Variants in REL observed in about 807,000 individuals in gnomAD.
The protein encoded by REL is REL proto-oncogene, NF-kB subunit.
Under a neutral mutation model 45.9 loss-of-function variants are expected in REL, and 15 were observed. The ratio of observed to expected loss-of-function variants is 0.33; its 90% CI spans 0.22 to 0.50. The LOEUF is 0.50. Ranked by LOEUF, REL falls within the 20% of genes least tolerant of loss-of-function variation. REL has a pLI of 0.98. For synonymous variants in REL, 239 were observed against 242.1 expected, an observed-to-expected ratio of 0.99 and a Z score of 0.12; for missense variants, 601 against 715.2, an observed-to-expected ratio of 0.84 and a Z score of 1.82.
At chr2:60,891,582 CT>C (rs1462297001) in intron 1 of REL, 100 bp from the exon 2 acceptor site, 4 of 1,054,678 alleles carry the variant, frequency 3.8e-6, no homozygotes, top group Non-Finnish European at 5.3e-6. Flanking sequence ...GGAAAAAAAT[CT>C]TTGTTTTAGT....
At chr2:60,891,385 A>G (rs1303661344) in intron 1 of REL, among the ~76,000 whole-genome samples, 2 of 152,174 alleles carry the variant, frequency 1.3e-5, no homozygotes, top group African/African-American at 4.8e-5. Context: ...ATATCTCTGA[A>G]GTGGTTATCT....
rs1321132705 is a variant in REL, at chr2:60,916,976, C to T, written c.494C>T (p.Thr165Ile). The T allele has an allele frequency of 6.2e-7, 1 of 1,613,498 alleles. No homozygotes were observed. The highest frequency in any genetic ancestry group is 1.1e-5 in the South Asian group (1 of 91,042). The change falls in exon 5 of 10, where the codon ACT (threonine) becomes ATT (isoleucine). Residue 165 changes from threonine to isoleucine, a missense_variant. By Grantham distance (89) the Thr-to-Ile change is moderately conservative. Coordinates refer to ENST00000394479, the MANE Select transcript of REL (RefSeq NM_001291746.2). ...CCTGATGAACATGGTAATTTGACGA[C>T]TGCTCTTCCTCCTGTTGTCTCGAAC... ...FLPDEHGNLT[T>I]ALPPVVSNPI...
In REL at chr2:60,924,392, T is replaced by G. The variant is rs1286175421; in HGVS notation, c.*1857T>G. On this transcript the variant is annotated 3_prime_UTR_variant, in exon 10 of 10. Coordinates refer to ENST00000394479, the MANE Select transcript of REL (RefSeq NM_001291746.2). ...CACTCAGTAAATGTTTATTGAACATTAAAAGTATTACTAATAGAACTTTGG... is the reference window on the plus strand; with the variant it reads ...CACTCAGTAAATGTTTATTGAACATGAAAAGTATTACTAATAGAACTTTGG... The G allele has an allele frequency of 4.7e-6, 1 of 215,034 alleles. No individual in the cohort carries two copies. The highest frequency in any genetic ancestry group is 9.4e-6 in the Non-Finnish European group (1 of 106,758). The allele number at this position is 215,034 out of a possible 1,614,324, so 13.3% of individuals were successfully genotyped here. A position where few individuals can be genotyped will look rare whatever the true frequency, so the allele number is the denominator to read the frequency against.
At chr2:60,882,727 C>G (rs768098848) in intron 1 of REL, among the ~76,000 whole-genome samples, 5 of 151,924 alleles carry the variant, frequency 3.3e-5, no homozygotes, top group Non-Finnish European at 7.4e-5. Flanking sequence ...GCTCAAGGTT[C>G]CTAATCTGAC....
intron 1 of REL, among the ~76,000 whole-genome samples, chr2:60,887,496 G>T (rs1673099909): frequency 6.6e-6 from 1 of 151,868 alleles, no homozygotes; most frequent in African/African-American, 2.4e-5. Context: ...CACAATTTCT[G>T]CCTTCAAGTA....
chr2:60,890,150 G>A (rs1474946852), intron 1 of REL, among the ~76,000 whole-genome samples: 5 of 152,176 alleles, frequency 3.3e-5, no homozygotes, highest in Admixed American at 2.6e-4. Context: ...TCTAACTGGT[G>A]TAAGATGGTA....
chr2:60,920,276 A>C, intron 8 of REL, 167 bp downstream of exon 8: 1 of 632,388 alleles, frequency 1.6e-6, no homozygotes, highest in African/African-American at 1.9e-5. Flanking sequence ...ATCTCAACTC[A>C]CTGCAACCTC....
chr2:60,896,586 ATACTT>A (rs1403627336), intron 3 of REL, among the ~76,000 whole-genome samples: 2 of 152,220 alleles, frequency 1.3e-5, no homozygotes, highest in African/African-American at 4.8e-5. Context: ...TTAGAAAAAA[ATACTT>A]TAAATGCTCC....
At chr2:60,882,415 C>G (rs1359378959) in intron 1 of REL, among the ~76,000 whole-genome samples, 2 of 152,114 alleles carry the variant, frequency 1.3e-5, no homozygotes, top group Non-Finnish European at 1.5e-5. Flanking sequence ...TGGCTCATGC[C>G]TGTATTCCCA....
Position 60,930,995 on chromosome 2 carries a change from C to T in REL, c.*8460C>T, listed in dbSNP as rs574233552. The T allele has an allele frequency of 2.0e-5, 3 of 152,450 alleles. No homozygotes were observed. The highest frequency in any genetic ancestry group is 7.2e-5 in the African/African-American group (3 of 41,568). The allele number at this position is 152,450 out of a possible 1,614,324, so 9.4% of individuals were successfully genotyped here. A position where few individuals can be genotyped will look rare whatever the true frequency, so the allele number is the denominator to read the frequency against. ...ATAAATTTTTGGTAAAAGTATCAAA[C>T]ATTCATCTTGCCCATTTTTCCTCTT... is the stretch of plus-strand genomic sequence containing the variant. On this transcript the variant is annotated 3_prime_UTR_variant, in exon 10 of 10. Coordinates refer to ENST00000394479, the MANE Select transcript of REL (RefSeq NM_001291746.2).
rs374279048 is a variant in REL at position 60,922,417 on chromosome 2, C to T, written c.1646C>T (p.Ser549Leu). Residue 549 changes from serine (S) to leucine (L), a missense_variant, in exon 10 of 10, where the codon TCA becomes TTA. By Grantham distance (145) the Ser-to-Leu change is moderately radical (BLOSUM62 -2). Around this residue, in one of 4 missense-constraint regions of REL, gnomAD observed 334 missense variants for 333.1 expected, o/e 1.00. Coordinates refer to ENST00000394479, the MANE Select transcript of REL (RefSeq NM_001291746.2). Reference protein sequence around the residue: ...DNSMINESGPSNSTNPNSHGF... With the variant: ...DNSMINESGPLNSTNPNSHGF... ...AGCATGATAAATGAGTCGGGACCAT[C>T]AAACAGTACTAATCCAAACAGTCAT... 1 of 1,613,878 alleles carries T rather than the reference C, an allele frequency of 6.2e-7. No individual in the cohort carries two copies. Among genetic ancestry groups the T allele is most frequent in the Non-Finnish European group, 8.5e-7 (1 of 1,179,956 alleles).
At chr2:60,906,603 C>G (rs1159078937) in intron 4 of REL, among the ~76,000 whole-genome samples, 1 of 152,124 alleles carries the variant, frequency 6.6e-6, no homozygotes, top group Non-Finnish European at 1.5e-5. Context: ...TCCTCTACCA[C>G]TGAGTGCACA....
At chr2:60,888,567 C>T (rs974014073) in intron 1 of REL, among the ~76,000 whole-genome samples, 4 of 152,174 alleles carry the variant, frequency 2.6e-5, no homozygotes, top group Non-Finnish European at 5.9e-5. Flanking sequence ...GTGAAATACT[C>T]ATCTGCATAT....
Position 60,922,168 on chromosome 2 carries a change from T to C in REL, c.1397T>C (p.Met466Thr). ...PNMLSNCSVN[M>T]MTTSSDSMGE... ...ATGCTGTCTAATTGTTCTGTGAATATGATGACAACCAGCAGTGACAGCATG... is the reference window on the plus strand; with the variant it reads ...ATGCTGTCTAATTGTTCTGTGAATACGATGACAACCAGCAGTGACAGCATG... The change falls in exon 10 of 10, where the codon ATG becomes ACG. Residue 466 changes from methionine (M) to threonine (T), a missense_variant. Coordinates refer to ENST00000394479, the MANE Select transcript of REL (RefSeq NM_001291746.2). 6.2e-7 allele frequency: 1 copy of C among 1,614,168 alleles called. No individual in the cohort carries two copies. The highest frequency in any genetic ancestry group is 1.1e-5 in the South Asian group (1 of 91,082).
chr2:60,886,479 C>G (rs937132266), intron 1 of REL, among the ~76,000 whole-genome samples: 13 of 152,060 alleles, frequency 8.5e-5, no homozygotes, highest in African/African-American at 3.1e-4. Flanking sequence ...ATTCATAATT[C>G]ATTTTTATTA....
At position 60,922,201 on chromosome 2, in the gene REL, C is replaced by T. The variant is rs774893835; in HGVS notation, c.1430C>T (p.Thr477Ile). The T allele has an allele frequency of 2.5e-6, 4 of 1,614,152 alleles. No homozygotes were observed. The Admixed American group carries it at 5.0e-5, about 20-fold the overall frequency. Residue 477 changes from threonine (T) to isoleucine (I), a missense_variant, in exon 10 of 10, where the codon ACT (threonine) becomes ATT (isoleucine). Coordinates refer to ENST00000394479, the MANE Select transcript of REL (RefSeq NM_001291746.2). ...MTTSSDSMGETDNPRLLSMNL... is the reference protein window; with the variant it reads ...MTTSSDSMGEIDNPRLLSMNL... ...ACCAGCAGTGACAGCATGGGAGAGA[C>T]TGATAATCCAAGACTTCTGAGCATG...
At chr2:60,893,356 T>G (rs1673268174) in intron 2 of REL, among the ~76,000 whole-genome samples, 1 of 152,238 alleles carries the variant, frequency 6.6e-6, no homozygotes, top group African/African-American at 2.4e-5. Context: ...ATCACATTTT[T>G]GGCAGTAATA....
rs752105640 is a variant in REL, at chr2:60,922,516, A to G, written c.1745A>G (p.Tyr582Cys). Reference sequence around the variant, plus strand: ...GAGCAATTGAGTGACTCCTTTCCATATGAATTTTTTCAAGTATAACTTGCA... The same window carrying G: ...GAGCAATTGAGTGACTCCTTTCCATGTGAATTTTTTCAAGTATAACTTGCA... ...QNEQLSDSFP[Y>C]EFFQV is the part of the protein sequence containing the mutation. The change falls in exon 10 of 10, where the codon TAT becomes TGT. Residue 582 changes from tyrosine (Y) to cysteine (C), a missense_variant. Coordinates refer to ENST00000394479, the MANE Select transcript of REL (RefSeq NM_001291746.2). The G allele has an allele frequency of 3.7e-6, 6 of 1,600,414 alleles. No homozygotes were observed. The highest frequency in any genetic ancestry group is 5.1e-6 in the Non-Finnish European group (6 of 1,173,546).
chr2:60,903,794 G>A (rs1673562409), intron 4 of REL, among the ~76,000 whole-genome samples: 1 of 152,100 alleles, frequency 6.6e-6, no homozygotes, highest in African/African-American at 2.4e-5. Context: ...GCCTCCCAAA[G>A]TGTTGGGATT....
Sources: gnomAD v4.1 joint callset for allele counts (sites outside exome capture counted in the v4.1 genomes callset) on GRCh38, gnomAD v4.1.1 for gene constraint, gnomAD v4.1.1 regional missense constraint, MANE v1.5 for transcripts, NCBI Gene and HGNC (gene_info 2026-07-23, HGNC 2026-07-21) for gene names.